The following KCNIP3 variants were observed in gnomAD, a reference collection of about 807,000 sequenced individuals.
KCNIP3 encodes calsenilin.
KCNIP3 carries 28 observed loss-of-function variants against 35.0 expected under a neutral mutation model. That is an observed-to-expected ratio of 0.80 (90% CI 0.59 to 1.10). KCNIP3 has a LOEUF of 1.10. KCNIP3 is among the 50% of genes least tolerant of loss of function. The pLI is 0.00. For synonymous variants in KCNIP3, 134 were observed against 133.8 expected (o/e 1.00, Z -0.01); for missense variants, 295 against 338.4 (o/e 0.87, Z 1.01).
At chr2:95,360,410 G>T (rs1011801964) in intron 2 of KCNIP3, among the ~76,000 whole-genome samples, 1 of 152,098 alleles carries the variant, frequency 6.6e-6, no homozygotes, top group African/African-American at 2.4e-5. Context: ...TTTTCCTACA[G>T]CTCTTCTCAT....
chr2:95,342,868 T>G lies in KCNIP3; in HGVS notation c.182-31428T>G, dbSNP rs577515343. 2.0e-5 allele frequency among the ~76,000 whole-genome samples: 3 copies of G among 152,302 alleles called. No homozygotes were observed. The South Asian group carries it at 6.2e-4, about 32-fold the overall frequency. ...TGATTGAGCCAACCTCCAAAGTCAC[T>G]GCACTGAGGCTGGGAAAGGAAATTG... On this transcript the variant is annotated intron_variant, in intron 2 of 8. Coordinates refer to ENST00000295225, the MANE Select transcript of KCNIP3 (RefSeq NM_013434.5).
At chr2:95,321,920 C>T (rs957270036) in intron 2 of KCNIP3, among the ~76,000 whole-genome samples, 1 of 152,092 alleles carries the variant, frequency 6.6e-6, no homozygotes, top group African/African-American at 2.4e-5. Context: ...TAGACAGTGC[C>T]TGGTGGGACC....
chr2:95,350,800 G>T (rs952516428), intron 2 of KCNIP3, among the ~76,000 whole-genome samples: 1 of 152,194 alleles, frequency 6.6e-6, no homozygotes, highest in Admixed American at 6.5e-5. Context: ...CCACCCTGGG[G>T]CATCGAACTC....
At chr2:95,354,438 C>T (rs567065669) in intron 2 of KCNIP3, among the ~76,000 whole-genome samples, 18 of 152,340 alleles carry the variant, frequency 1.2e-4, no homozygotes, top group Admixed American at 3.3e-4. Flanking sequence ...AGCTCTGGGA[C>T]GGTGCCCTCT....
intron 2 of KCNIP3, among the ~76,000 whole-genome samples, chr2:95,323,083 A>G (rs555647542): frequency 6.6e-6 from 1 of 152,298 alleles, no homozygotes; most frequent in East Asian, 1.9e-4. Flanking sequence ...ACGGCCAAAT[A>G]GAACATGTAG....
rs770922666 is a variant in KCNIP3, at chr2:95,347,012, G to T, written c.182-27284G>T. The T allele has an allele frequency of 2.5e-6, 4 of 1,601,228 alleles. No homozygotes were observed. The Admixed American group carries it at 5.1e-5, about 20-fold the overall frequency. On this transcript the variant is annotated intron_variant, in intron 2 of 8. Transcript: ENST00000295225. ...CGGGCCCCAGGGCCCCAGGCAGCCC[G>T]GCTTGCCATGGGCATCCAGGGCATG...
At chr2:95,320,054 T>C (rs1348727345) in intron 2 of KCNIP3, among the ~76,000 whole-genome samples, 1 of 152,070 alleles carries the variant, frequency 6.6e-6, no homozygotes, top group East Asian at 1.9e-4. Context: ...GCGATGCCGG[T>C]TCTGGGATTC....
At chr2:95,328,857 G>A (rs1170366664) in intron 2 of KCNIP3, among the ~76,000 whole-genome samples, 9 of 152,236 alleles carry the variant, frequency 5.9e-5, no homozygotes, top group African/African-American at 1.9e-4. Flanking sequence ...AGCTGCCTCC[G>A]AGCTCTGGCC....
chr2:95,316,637 C>A (rs367705030), intron 2 of KCNIP3, among the ~76,000 whole-genome samples: 1 of 152,170 alleles, frequency 6.6e-6, no homozygotes, highest in African/African-American at 2.4e-5. Context: ...GAGTGGTGGT[C>A]CCCATGTCAG....
At chr2:95,308,109 T>C (rs2278065) in intron 1 of KCNIP3, among the ~76,000 whole-genome samples, 116,677 of 151,776 alleles carry the variant, frequency 0.77, 45,347 homozygotes, top group African/African-American at 0.87. Context: ...TGTGTGTGCG[T>C]GTGTGTGCAT....
chr2:95,382,562 T>A lies in KCNIP3; in HGVS notation c.660+81T>A. The A allele has an allele frequency of 9.9e-7, 1 of 1,005,508 alleles. No individual in the cohort carries two copies. The highest frequency in any genetic ancestry group is 2.5e-5 in the East Asian group (1 of 39,658). The allele number at this position is 1,005,508 out of a possible 1,614,324, so 62.3% of individuals were successfully genotyped here. On this transcript the variant is annotated intron_variant, in intron 7 of 8. Coordinates refer to ENST00000295225, the MANE Select transcript of KCNIP3 (RefSeq NM_013434.5). This position sits in a 1 kb window ranked among gnomAD's most constrained non-coding sequence, Gnocchi z 4.5. ...CGCTTTTGGGGCCACCCCGGGCAAG[T>A]GGCTTGCCCCTCTGAGCCTCCCTAC... is the stretch of plus-strand genomic sequence containing the variant.
chr2:95,297,908 T>C (rs1677916890), intron 1 of KCNIP3, among the ~76,000 whole-genome samples: 1 of 152,066 alleles, frequency 6.6e-6, no homozygotes, highest in South Asian at 2.1e-4. Flanking sequence ...CACTTGTGCT[T>C]GGAGGTTGGT....
At position 95,384,166 on chromosome 2, in the gene KCNIP3, T is replaced by A; in HGVS notation, c.*117T>A. 2.9e-5 allele frequency: 15 copies of A among 516,034 alleles called. No individual in the cohort carries two copies. The highest frequency in any genetic ancestry group is 4.2e-4 in the Middle Eastern group (1 of 2,406). 32.0% of individuals were successfully genotyped at this position (516,034 alleles called of 1,614,324 possible). ...ATAGATTTGCAAAAAGTGAACAGAT[T>A]GCTACACACACACACACACACACAC... is the stretch of plus-strand genomic sequence containing the variant. On this transcript the variant is annotated 3_prime_UTR_variant, in exon 9 of 9. Coordinates refer to ENST00000295225, the MANE Select transcript of KCNIP3 (RefSeq NM_013434.5).
At chr2:95,311,355 A>T (rs1241045581) in intron 2 of KCNIP3, 3 of 152,340 alleles carry the variant, frequency 2.0e-5, no homozygotes, top group African/African-American at 4.8e-5. Context: ...GGGATCACAC[A>T]TGTGAGTATG....
rs567295888 is a variant in KCNIP3, at chr2:95,331,183, C to T, written c.181+20663C>T. ...GATTTGTGGCTGTCCAGGGTGGCAGCGGAGGCGGGAGGGAGCAGCGGTACA... is the reference window on the plus strand; with the variant it reads ...GATTTGTGGCTGTCCAGGGTGGCAGTGGAGGCGGGAGGGAGCAGCGGTACA... On this transcript the variant is annotated intron_variant, in intron 2 of 8. Transcript: ENST00000295225. 2.0e-5 allele frequency among the ~76,000 whole-genome samples: 3 copies of T among 152,138 alleles called. No homozygotes were observed. The East Asian group carries it at 5.8e-4, about 29-fold the overall frequency.
At chr2:95,306,411 C>T (rs115528323) in intron 1 of KCNIP3, among the ~76,000 whole-genome samples, 6,743 of 152,236 alleles carry the variant, frequency 0.044, 260 homozygotes, top group Non-Finnish European at 0.062. Context: ...AAAAGCAGGT[C>T]ACATGAGGAT....
At chr2:95,298,408 A>G (rs1346245063) in intron 1 of KCNIP3, among the ~76,000 whole-genome samples, 1 of 152,120 alleles carries the variant, frequency 6.6e-6, no homozygotes, top group Non-Finnish European at 1.5e-5. Context: ...GTGCAACATA[A>G]CTGCTGGAGC....
At chr2:95,358,651 C>T (rs1486007491) in intron 2 of KCNIP3, among the ~76,000 whole-genome samples, 3 of 152,192 alleles carry the variant, frequency 2.0e-5, no homozygotes, top group Non-Finnish European at 4.4e-5. Flanking sequence ...GACGGAGGGG[C>T]TGGCATCTGG....
At position 95,384,439 on chromosome 2, in the gene KCNIP3, C is replaced by T. The variant is rs1680435630; in HGVS notation, c.*390C>T. The T allele has an allele frequency of 8.0e-6, 2 of 250,976 alleles. No individual in the cohort carries two copies. Among genetic ancestry groups the T allele is most frequent in the African/African-American group, 4.4e-5 (2 of 45,278 alleles). The allele number at this position is 250,976 out of a possible 1,614,324, so 15.5% of individuals were successfully genotyped here. A position where few individuals can be genotyped will look rare whatever the true frequency, so the allele number is the denominator to read the frequency against. On this transcript the variant is annotated 3_prime_UTR_variant, in exon 9 of 9. Coordinates refer to ENST00000295225, the MANE Select transcript of KCNIP3 (RefSeq NM_013434.5). ...ATCTCCGGTGTGAGCCCACCTCGTC[C>T]CGTTCTCCATTCTGCTTTCTTGCCA... is the stretch of plus-strand genomic sequence containing the variant.
Sources: allele counts gnomAD v4.1 joint callset (sites outside exome capture counted in the v4.1 genomes callset), GRCh38; gene constraint gnomAD v4.1.1; non-coding constraint Gnocchi (gnomAD v3.1); transcripts MANE v1.5; gene names NCBI Gene and HGNC (gene_info 2026-07-23, HGNC 2026-07-21).